PRKCA: variants seen among roughly 807,000 people sequenced by gnomAD.
PRKCA encodes protein kinase C alpha type.
Under a neutral mutation model 87.0 loss-of-function variants are expected in PRKCA, and 27 were observed. The ratio of observed to expected loss-of-function variants is 0.31; its 90% CI spans 0.23 to 0.43. The LOEUF (loss-of-function observed/expected upper bound fraction) is 0.43. Among genes scored for constraint, PRKCA ranks in the 20% least tolerant of loss-of-function variants. The probability of loss-of-function intolerance (pLI) is 1.00; values close to 1 mark genes in which losing one functional copy is unlikely to be tolerated. For missense variants in PRKCA, 518 were observed against 852.3 expected (o/e 0.61, Z 4.88); for synonymous variants, 329 against 311.1 (o/e 1.06, Z -0.61).
intron 8 of PRKCA, among the ~76,000 whole-genome samples, chr17:66,720,723 G>A (rs1291972134): frequency 1.3e-5 from 2 of 152,178 alleles, no homozygotes; most frequent in Non-Finnish European, 2.9e-5. Context: ...TGAATACAGA[G>A]GACTTTCATC....
At chr17:66,663,872 GT>G (rs34996655) in intron 5 of PRKCA, among the ~76,000 whole-genome samples, 66,282 of 143,488 alleles carry the variant, frequency 0.46, 15,140 homozygotes, top group African/African-American at 0.53. Context: ...TGATTTTGGG[GT>G]TTTTTTTTTT....
chr17:66,618,971 A>T (rs991163078), intron 3 of PRKCA, among the ~76,000 whole-genome samples: 7 of 152,158 alleles, frequency 4.6e-5, no homozygotes, highest in Non-Finnish European at 7.4e-5. Flanking sequence ...AGGAGGGGGA[A>T]CCCATATAAG....
intron 8 of PRKCA, among the ~76,000 whole-genome samples, chr17:66,730,297 G>A (rs74591650): frequency 0.026 from 4,014 of 152,266 alleles, 58 homozygotes; most frequent in Non-Finnish European, 0.03. Flanking sequence ...AGGCCACATG[G>A]GTTCTTGGCT....
intron 2 of PRKCA, among the ~76,000 whole-genome samples, chr17:66,367,628 T>C (rs1908811529): frequency 6.6e-6 from 1 of 152,206 alleles, no homozygotes; most frequent in African/African-American, 2.4e-5. Flanking sequence ...ATCAGGTCTA[T>C]TTTTCTCTCC....
chr17:66,336,027 A>T (rs1906643579), intron 2 of PRKCA, among the ~76,000 whole-genome samples: 1 of 152,230 alleles, frequency 6.6e-6, no homozygotes, highest in Non-Finnish European at 1.5e-5. Flanking sequence ...ATCTTTAAAA[A>T]TAAATTGCCT....
At chr17:66,573,885 G>A (rs1969150847) in intron 3 of PRKCA, among the ~76,000 whole-genome samples, 1 of 152,200 alleles carries the variant, frequency 6.6e-6, no homozygotes, top group Admixed American at 6.5e-5. Flanking sequence ...AGCTCCTCGG[G>A]AGGCTGAGAC....
At chr17:66,327,566 C>T (rs1456742585) in intron 2 of PRKCA, among the ~76,000 whole-genome samples, 1 of 151,988 alleles carries the variant, frequency 6.6e-6, no homozygotes, top group African/African-American at 2.4e-5. Flanking sequence ...ATGTTTCTAT[C>T]GTCATGTGCT....
intron 14 of PRKCA, chr17:66,774,640 G>A (rs373178929): frequency 2.0e-6 from 2 of 987,422 alleles, no homozygotes; most frequent in Non-Finnish European, 2.4e-6. Flanking sequence ...AAATGTGCAC[G>A]TTGATGACAG....
At chr17:66,736,097 G>T (rs1974019311) in intron 10 of PRKCA, among the ~76,000 whole-genome samples, 3 of 151,262 alleles carry the variant, frequency 2.0e-5, no homozygotes, top group Non-Finnish European at 4.4e-5. Flanking sequence ...TCCCAGGCTG[G>T]TCTTAAACTC....
At chr17:66,800,360 C>G (rs1975871652) in intron 16 of PRKCA, among the ~76,000 whole-genome samples, 1 of 152,196 alleles carries the variant, frequency 6.6e-6, no homozygotes. Context: ...CCACAACTTC[C>G]CCTTTAGCTC....
chr17:66,755,161 T>G (rs2144275585), intron 13 of PRKCA, among the ~76,000 whole-genome samples: 1 of 152,292 alleles, frequency 6.6e-6, no homozygotes, highest in South Asian at 2.1e-4. Flanking sequence ...CCATGAAGAC[T>G]TGAAACGGTG....
chr17:66,721,001 C>T (rs1973601381), intron 8 of PRKCA, among the ~76,000 whole-genome samples: 1 of 152,024 alleles, frequency 6.6e-6, no homozygotes, highest in Non-Finnish European at 1.5e-5. Flanking sequence ...GAAAGAAGTC[C>T]CAATCCAGAC....
At chr17:66,687,039 T>C in intron 5 of PRKCA, 72 bp from the exon 6 acceptor site, 1 of 1,321,448 alleles carries the variant, frequency 7.6e-7, no homozygotes, top group East Asian at 2.3e-5. Context: ...TTCAGCTTGG[T>C]ATTGACACAA....
chr17:66,587,893 GTGTATA>G lies in PRKCA; in HGVS notation c.289-53460_289-53455del, dbSNP rs1363048722. On this transcript the variant is annotated intron_variant, in intron 3 of 16. Transcript: ENST00000413366. ...TATGTGTGTGTGTGTGTGTGTGTGT[GTGTATA>G]TATATATATATATATATATATATAT... Among the ~76,000 whole-genome samples the G allele has an allele frequency of 4.1e-4, 21 of 51,636 alleles. 3 individuals are homozygous for G. The highest frequency in any genetic ancestry group is 2.8e-3 in the East Asian group (5 of 1,756). The allele number at this position is 51,636 out of a possible 152,430, so 33.9% of individuals were successfully genotyped here. A position where few individuals can be genotyped will look rare whatever the true frequency, so the allele number is the denominator to read the frequency against.
intron 2 of PRKCA, among the ~76,000 whole-genome samples, chr17:66,329,915 GGT>G (rs1388612551): frequency 6.6e-6 from 1 of 152,058 alleles, no homozygotes; most frequent in African/African-American, 2.4e-5. Context: ...GGATGAAAAT[GGT>G]GTGAATCGTG....
intron 5 of PRKCA, among the ~76,000 whole-genome samples, chr17:66,671,939 A>G (rs1418247867): frequency 1.3e-5 from 2 of 152,204 alleles, no homozygotes; most frequent in Non-Finnish European, 2.9e-5. Flanking sequence ...AATGTTGAGA[A>G]GTTGTCTAAA....
At position 66,806,093 on chromosome 17, in the gene PRKCA, C is replaced by G. The variant is rs1159566079; in HGVS notation, c.*2056C>G. Reference sequence around the variant, plus strand: ...AGCGCGCTGCTTTGGTGAGACACCCCCATGCAAGGTCCTCAGAGTAGCCGG... The same window carrying G: ...AGCGCGCTGCTTTGGTGAGACACCCGCATGCAAGGTCCTCAGAGTAGCCGG... On this transcript the variant is annotated 3_prime_UTR_variant, in exon 17 of 17. Coordinates refer to ENST00000413366, the MANE Select transcript of PRKCA (RefSeq NM_002737.3). 6.6e-6 allele frequency: 1 copy of G among 152,272 alleles called. No homozygotes were observed. Among genetic ancestry groups the G allele is most frequent in the Non-Finnish European group, 1.5e-5 (1 of 68,104 alleles). 9.4% of individuals were successfully genotyped at this position (152,272 alleles called of 1,614,324 possible).
intron 5 of PRKCA, among the ~76,000 whole-genome samples, chr17:66,682,877 G>A (rs182566669): frequency 2.0e-5 from 3 of 152,288 alleles, no homozygotes; most frequent in Non-Finnish European, 4.4e-5. Flanking sequence ...TTAGTAACTC[G>A]GAATTGGCAT....
At chr17:66,372,916 G>C (rs1437201244) in intron 2 of PRKCA, among the ~76,000 whole-genome samples, 1 of 152,102 alleles carries the variant, frequency 6.6e-6, no homozygotes, top group Non-Finnish European at 1.5e-5. Flanking sequence ...AATTAGCCGG[G>C]CTTGGTGGCG....
Sources: gnomAD v4.1 joint callset for allele counts (sites outside exome capture counted in the v4.1 genomes callset) on GRCh38, gnomAD v4.1.1 for gene constraint, MANE v1.5 for transcripts, NCBI Gene and HGNC (gene_info 2026-07-23, HGNC 2026-07-21) for gene names.